DLGAP1: variants seen among roughly 807,000 people sequenced by gnomAD.
The protein encoded by DLGAP1 is DLG associated protein 1.
A neutral mutation model predicts 90.8 loss-of-function variants in DLGAP1; 11 were observed. The ratio of observed to expected loss-of-function variants is 0.12; its 90% CI spans 0.08 to 0.20. The LOEUF is 0.20. Among genes scored for constraint, DLGAP1 ranks in the 10% least tolerant of loss-of-function variants. The pLI, the probability that DLGAP1 is intolerant of heterozygous loss-of-function variation, is 1.00. For missense variants in DLGAP1, 1,050 were observed against 1,333.8 expected (o/e 0.79, Z 3.31); for synonymous variants, 558 against 540.7 (o/e 1.03, Z -0.44).
At chr18:4,412,518 G>A (rs112827083) in intron 1 of DLGAP1, among the ~76,000 whole-genome samples, 2 of 152,224 alleles carry the variant, frequency 1.3e-5, no homozygotes, top group Admixed American at 6.5e-5. Context: ...TGAAGGAGCT[G>A]TGGCACCTGC....
intron 3 of DLGAP1, among the ~76,000 whole-genome samples, chr18:3,992,489 G>C (rs888714027): frequency 6.6e-6 from 1 of 152,130 alleles, no homozygotes; most frequent in African/African-American, 2.4e-5. Context: ...ACCAGCCTGA[G>C]CAACATGGTG....
chr18:4,200,810 T>C (rs1158345661), intron 1 of DLGAP1, among the ~76,000 whole-genome samples: 1 of 152,120 alleles, frequency 6.6e-6, no homozygotes, highest in Non-Finnish European at 1.5e-5. Flanking sequence ...AATTTCTACA[T>C]GTAAATATTT....
intron 8 of DLGAP1, among the ~76,000 whole-genome samples, chr18:3,573,649 T>A (rs2054939941): frequency 6.6e-6 from 1 of 151,950 alleles, no homozygotes; most frequent in African/African-American, 2.4e-5. Context: ...TTTTCTTCAC[T>A]TTTTTTGCAC....
chr18:4,096,293 G>C lies in DLGAP1; in HGVS notation c.-159+54887C>G, dbSNP rs181079448. Among the ~76,000 whole-genome samples the C allele has an allele frequency of 4.7e-3, 711 of 152,240 alleles. 12 individuals are homozygous for C. The highest frequency in any genetic ancestry group is 0.042 in the South Asian group (204 of 4,820). On this transcript the variant is annotated intron_variant, in intron 2 of 12. Transcript: ENST00000315677. ...TCCCACCTCGGCCTCCCAAAGTGCT[G>C]GGATTACAGGCGTGAGCCACTGCGC...
chr18:4,438,892 T>C (rs2083463314), intron 1 of DLGAP1, among the ~76,000 whole-genome samples: 1 of 152,088 alleles, frequency 6.6e-6, no homozygotes, highest in Admixed American at 6.6e-5. Flanking sequence ...CAAAATCACA[T>C]GATGACCCCT....
intron 10 of DLGAP1, among the ~76,000 whole-genome samples, chr18:3,512,340 T>C (rs2050591049): frequency 6.6e-6 from 1 of 152,156 alleles, no homozygotes. Flanking sequence ...CTCCTCCCTT[T>C]CCTTTCTTTC....
chr18:3,687,785 T>G (rs878889386), intron 7 of DLGAP1, among the ~76,000 whole-genome samples: 1 of 152,140 alleles, frequency 6.6e-6, no homozygotes, highest in African/African-American at 2.4e-5. Flanking sequence ...AAGTGCAGTA[T>G]GTATATAGAA....
intron 7 of DLGAP1, among the ~76,000 whole-genome samples, chr18:3,589,676 A>T (rs1216571973): frequency 1.2e-4 from 19 of 152,222 alleles, no homozygotes; most frequent in Admixed American, 1.2e-3. Context: ...TGCAGCTATT[A>T]TCAAGCAAGC....
chr18:3,874,432 A>G, intron 4 of DLGAP1: 1 of 1,437,930 alleles, frequency 7.0e-7, no homozygotes, highest in East Asian at 2.5e-5. Context: ...GAAATCTAAA[A>G]TCTTGCTCTT....
intron 1 of DLGAP1, among the ~76,000 whole-genome samples, chr18:4,367,018 A>AAAAG (rs1441321332): frequency 1.3e-5 from 2 of 150,702 alleles, no homozygotes; most frequent in Non-Finnish European, 3.0e-5. Flanking sequence ...AAAAAAAAAA[A>AAAAG]AAAAAAAAAA....
intron 4 of DLGAP1, among the ~76,000 whole-genome samples, chr18:3,825,874 T>C (rs2067682932): frequency 6.6e-6 from 1 of 152,172 alleles, no homozygotes; most frequent in East Asian, 1.9e-4. Context: ...GGAATCAACC[T>C]AGGTGCTCAT....
At chr18:4,072,629 G>A (rs1187838016) in intron 2 of DLGAP1, among the ~76,000 whole-genome samples, 8 of 152,042 alleles carry the variant, frequency 5.3e-5, no homozygotes, top group Admixed American at 1.3e-4. Flanking sequence ...GCCACTGCAC[G>A]CAGCTAATTT....
intron 2 of DLGAP1, among the ~76,000 whole-genome samples, chr18:4,097,460 C>A (rs2075702129): frequency 6.6e-6 from 1 of 152,208 alleles, no homozygotes; most frequent in Admixed American, 6.5e-5. Flanking sequence ...CCACGTGGTA[C>A]TGAGAACTAT....
At chr18:3,856,486 A>G (rs1240763302) in intron 4 of DLGAP1, among the ~76,000 whole-genome samples, 2 of 152,188 alleles carry the variant, frequency 1.3e-5, no homozygotes, top group Non-Finnish European at 2.9e-5. Context: ...GGTCAACAGA[A>G]ATAGCTAATA....
rs116549380 is a variant in DLGAP1, at chr18:4,374,589, T to C, written c.-267+80417A>G. 5.8e-3 allele frequency among the ~76,000 whole-genome samples: 879 copies of C among 152,276 alleles called. 8 individuals carry two copies. Among genetic ancestry groups the C allele is most frequent in the African/African-American group, 0.02 (845 of 41,560 alleles). On this transcript the variant is annotated intron_variant, in intron 1 of 12. Transcript: ENST00000315677. ...AAAATGACATATAGTTTAAAGATTC[T>C]CATTTTCTCTTCTTTAAATCTTGAG...
intron 5 of DLGAP1, among the ~76,000 whole-genome samples, chr18:3,763,846 C>T (rs951966018): frequency 3.3e-5 from 5 of 150,912 alleles, no homozygotes; most frequent in African/African-American, 9.9e-5. Flanking sequence ...ATATTTAGTA[C>T]AGATGGGGTT....
chr18:3,534,162 G>T (rs754366056), intron 10 of DLGAP1, 32 bp downstream of exon 10: 1 of 1,590,644 alleles, frequency 6.3e-7, no homozygotes, highest in Non-Finnish European at 8.6e-7. Context: ...CAGCCCCAGG[G>T]GACGGGTGTG....
chr18:3,758,967 C>T (rs762074136), intron 5 of DLGAP1, among the ~76,000 whole-genome samples: 2 of 152,042 alleles, frequency 1.3e-5, no homozygotes, highest in South Asian at 4.2e-4. Context: ...GTGCCCCATC[C>T]GAAGATCTCA....
chr18:3,680,029 G>A (rs1406517052), intron 7 of DLGAP1: 1 of 151,990 alleles, frequency 6.6e-6, no homozygotes, highest in East Asian at 1.9e-4. Flanking sequence ...CACGAGAATA[G>A]CATGAAATGT....
Sources: allele counts gnomAD v4.1 joint callset (sites outside exome capture counted in the v4.1 genomes callset), GRCh38; gene constraint gnomAD v4.1.1; transcripts MANE v1.5; gene names NCBI Gene and HGNC (gene_info 2026-07-23, HGNC 2026-07-21).